LRRC19: variants seen among roughly 807,000 people sequenced by gnomAD.
LRRC19 encodes the protein leucine-rich repeat-containing protein 19.
Under a neutral mutation model 33.3 loss-of-function variants are expected in LRRC19, and 33 were observed. The ratio of observed to expected loss-of-function variants is 0.99; its 90% confidence interval spans 0.75 to 1.33. The LOEUF is 1.33. LRRC19 is among the 40% of genes most tolerant of loss of function. LRRC19 has a pLI of 0.00. For synonymous variants in LRRC19, 184 were observed against 152.3 expected, an observed-to-expected ratio of 1.21 and a Z score of -1.53; for missense variants, 463 against 417.3, an observed-to-expected ratio of 1.11 and a Z score of -0.95.
intron 1 of LRRC19, among the ~76,000 whole-genome samples, chr9:27,003,380 G>A (rs1254676711): frequency 1.3e-5 from 2 of 152,056 alleles, no homozygotes; most frequent in African/African-American, 4.8e-5. Flanking sequence ...AAAATTAGCC[G>A]GGTGCAGTGG....
chr9:27,005,253 C>A (rs1828706345), intron 1 of LRRC19, among the ~76,000 whole-genome samples: 2 of 150,006 alleles, frequency 1.3e-5, no homozygotes, highest in Admixed American at 1.3e-4. Context: ...TTTTATCTTG[C>A]CAATTGGCTT....
Position 26,996,489 on chromosome 9 carries a change from G to A in LRRC19, c.606C>T (p.Asn202=), listed in dbSNP as rs200300942. 31 of 1,444,448 alleles carry A rather than the reference G, an allele frequency of 2.1e-5. No individual in the cohort carries two copies. The highest frequency in any genetic ancestry group is 2.7e-5 in the Non-Finnish European group (29 of 1,085,538). The allele number at this position is 1,444,448 out of a possible 1,614,324, so 89.5% of individuals were successfully genotyped here. The part of the protein sequence containing the change: ...NTSNVTLENE[N]ITMCSYPNSL... ...TGTTGGGGTAGCTACACATGGTGATGTTCTCATTTTCTAGTAAATCAGAAA... is the reference window on the plus strand; with the variant it reads ...TGTTGGGGTAGCTACACATGGTGATATTCTCATTTTCTAGTAAATCAGAAA... The change falls in exon 4 of 5, where the codon AAC becomes AAT. Residue 202 remains asparagine, a synonymous_variant. Coordinates refer to ENST00000380055, the MANE Select transcript of LRRC19 (RefSeq NM_022901.3).
In LRRC19 at chr9:26,995,400, T is replaced by A; in HGVS notation, c.*121A>T. 1.6e-6 allele frequency: 1 copy of A among 626,004 alleles called. No individual in the cohort carries two copies. The allele number at this position is 626,004 out of a possible 1,614,324, so 38.8% of individuals were successfully genotyped here. A position where few individuals can be genotyped will look rare whatever the true frequency, so the allele number is the denominator to read the frequency against. ...AAAGAACATAATTTTATGATATTCA[T>A]GTATGTTGTCATTAATATGAATGCC... is the stretch of plus-strand genomic sequence containing the variant. On this transcript the variant is annotated 3_prime_UTR_variant, in exon 5 of 5. Transcript: ENST00000380055.
At chr9:26,996,133 G>T (rs959272539) in intron 4 of LRRC19, among the ~76,000 whole-genome samples, 178 bp downstream of exon 4, 1 of 152,116 alleles carries the variant, frequency 6.6e-6, no homozygotes, top group Non-Finnish European at 1.5e-5. Flanking sequence ...TTTGCACGAT[G>T]GCATTTGGCT....
At chr9:26,997,653 G>T in intron 3 of LRRC19, 75 bp downstream of exon 3, 1 of 1,459,138 alleles carries the variant, frequency 6.9e-7, no homozygotes, top group Non-Finnish European at 9.2e-7. Context: ...TCTTTAAAAC[G>T]TGATATGAGA....
intron 1 of LRRC19, 109 bp downstream of exon 1, chr9:27,005,483 T>A (rs1460850484): frequency 6.6e-6 from 1 of 151,812 alleles, no homozygotes; most frequent in Admixed American, 6.6e-5. Context: ...CATATTTTCT[T>A]ATTTTTCATC....
chr9:26,996,932 CG>C (rs1828187643), intron 3 of LRRC19, among the ~76,000 whole-genome samples: 1 of 152,068 alleles, frequency 6.6e-6, no homozygotes, highest in African/African-American at 2.4e-5. Flanking sequence ...CATTTCTGGC[CG>C]GGCGCAGAGG....
chr9:27,003,776 A>G (rs1828629916), intron 1 of LRRC19, among the ~76,000 whole-genome samples: 1 of 152,184 alleles, frequency 6.6e-6, no homozygotes, highest in Admixed American at 6.6e-5. Context: ...GATGTAGATC[A>G]TAATAGAATC....
chr9:27,005,335 G>T (rs1828710737), intron 1 of LRRC19, among the ~76,000 whole-genome samples: 5 of 119,570 alleles, frequency 4.2e-5, no homozygotes, highest in East Asian at 2.8e-4. Flanking sequence ...AAATTTGATT[G>T]GCTAGATGAA....
intron 1 of LRRC19, among the ~76,000 whole-genome samples, chr9:27,002,828 G>A (rs377164222): frequency 2.0e-5 from 3 of 152,206 alleles, no homozygotes; most frequent in South Asian, 4.1e-4. Flanking sequence ...TCTATGAAGA[G>A]CGTCACTGTA....
intron 1 of LRRC19, among the ~76,000 whole-genome samples, chr9:27,005,238 C>CT (rs1828705539): frequency 6.8e-6 from 1 of 146,248 alleles, no homozygotes; most frequent in African/African-American, 2.5e-5. Context: ...CATGGCCAGT[C>CT]TTTTTTTTAT....
rs554756773 is a variant in LRRC19 at position 26,995,903 on chromosome 9, A to C, written c.785-54T>G. The C allele has an allele frequency of 6.5e-6, 8 of 1,238,030 alleles. No homozygotes were observed. The African/African-American group carries it at 1.2e-4, about 19-fold the overall frequency. The allele number at this position is 1,238,030 out of a possible 1,614,324, so 76.7% of individuals were successfully genotyped here. A position where few individuals can be genotyped will look rare whatever the true frequency, so the allele number is the denominator to read the frequency against. ...GAAAGAAAATTTGTTAAGTTGGCAA[A>C]ATAATCATAATTATATATCCTAATT... On this transcript the variant is annotated intron_variant, in intron 4 of 4. Transcript: ENST00000380055.
chr9:27,003,679 A>G (rs1828624469), intron 1 of LRRC19, among the ~76,000 whole-genome samples: 1 of 152,168 alleles, frequency 6.6e-6, no homozygotes, highest in African/African-American at 2.4e-5. Flanking sequence ...CCATTTATGC[A>G]CATTCCCCTT....
intron 3 of LRRC19, 133 bp downstream of exon 3, chr9:26,997,595 T>A (rs1828232834): frequency 1.5e-5 from 14 of 932,924 alleles, no homozygotes; most frequent in Non-Finnish European, 1.9e-5. Flanking sequence ...TGGCCTCCCA[T>A]AGTGATGGGA....
intron 1 of LRRC19, among the ~76,000 whole-genome samples, chr9:27,000,284 A>C (rs563641152): frequency 6.6e-6 from 1 of 152,308 alleles, no homozygotes; most frequent in South Asian, 2.1e-4. Flanking sequence ...AAAGCAATTT[A>C]AGTGGTTGTA....
chr9:27,004,573 G>A (rs183519282), intron 1 of LRRC19, among the ~76,000 whole-genome samples: 4 of 152,262 alleles, frequency 2.6e-5, no homozygotes, highest in East Asian at 3.9e-4. Flanking sequence ...AATCAGATAC[G>A]CAGAATAGCT....
chr9:27,004,772 G>A (rs578155701), intron 1 of LRRC19, among the ~76,000 whole-genome samples: 20 of 152,042 alleles, frequency 1.3e-4, no homozygotes, highest in African/African-American at 3.6e-4. Flanking sequence ...TAGAAAACTG[G>A]AATAGAAGAT....
rs781513328 is a variant in LRRC19 at position 26,996,338 on chromosome 9, A to T, written c.757T>A (p.Ser253Thr). The change falls in exon 4 of 5, where the codon TCT (serine) becomes ACT (threonine). Residue 253 changes from serine (S) to threonine (T), a missense_variant. Ser to Thr is a moderately conservative substitution (Grantham distance 58, BLOSUM62 1). Coordinates refer to ENST00000380055, the MANE Select transcript of LRRC19 (RefSeq NM_022901.3). ...GAATTTCTTGTTAAGTTGTTCGAAG[A>T]GCTATTAAATATTGAATTGCTGATG... The part of the protein sequence containing the change: ...QPISNSIFNS[S>T]SNNLTRNSEH... 6 of 1,601,000 alleles carry T rather than the reference A, an allele frequency of 3.7e-6. No individual in the cohort carries two copies. The East Asian group carries it at 1.1e-4, about 30-fold the overall frequency.
chr9:27,004,460 G>T (rs903976276), intron 1 of LRRC19, among the ~76,000 whole-genome samples: 5 of 152,186 alleles, frequency 3.3e-5, no homozygotes, highest in Non-Finnish European at 5.9e-5. Context: ...TGCCTTTTCA[G>T]AGGAGAAAGA....
Sources: gnomAD v4.1 joint callset for allele counts (sites outside exome capture counted in the v4.1 genomes callset) on GRCh38, gnomAD v4.1.1 for gene constraint, MANE v1.5 for transcripts, NCBI Gene and HGNC (gene_info 2026-07-23, HGNC 2026-07-21) for gene names.